The following ADAM19 variants were observed in gnomAD, a reference collection of about 807,000 sequenced individuals.
The protein encoded by ADAM19 is disintegrin and metalloproteinase domain-containing protein 19.
In ADAM19, 65 loss-of-function variants were observed where a neutral mutation model predicts 114.7. That is an observed-to-expected ratio of 0.57 (90% CI 0.46 to 0.70). The LOEUF is 0.70. Among genes scored for constraint, ADAM19 ranks in the 30% least tolerant of loss-of-function variants. The probability of loss-of-function intolerance (pLI) is 0.00; values close to 1 mark genes in which losing one functional copy is unlikely to be tolerated. For synonymous variants in ADAM19, 466 were observed against 460.5 expected (o/e 1.01, Z -0.15); for missense variants, 1,063 against 1,204.7 (o/e 0.88, Z 1.74).
intron 3 of ADAM19, among the ~76,000 whole-genome samples, chr5:157,552,804 A>G (rs1192343933): frequency 6.6e-6 from 1 of 152,118 alleles, no homozygotes; most frequent in South Asian, 2.1e-4. Context: ...TCTGGGATGA[A>G]TGGATAAAGA....
intron 2 of ADAM19, 66 bp from the exon 3 acceptor site, chr5:157,564,509 A>G: frequency 7.3e-7 from 1 of 1,366,834 alleles, no homozygotes; most frequent in Non-Finnish European, 1.0e-6. Context: ...GGTCGGGCAC[A>G]GGATCTAGCA....
intron 14 of ADAM19, among the ~76,000 whole-genome samples, chr5:157,495,602 G>T (rs1359806346): frequency 6.6e-6 from 1 of 152,048 alleles, no homozygotes; most frequent in Non-Finnish European, 1.5e-5. Context: ...ATCTTCTAGA[G>T]ATAATCTATC....
At chr5:157,508,869 G>A (rs1455172426) in intron 9 of ADAM19, among the ~76,000 whole-genome samples, 1 of 152,162 alleles carries the variant, frequency 6.6e-6, no homozygotes, top group Non-Finnish European at 1.5e-5. Context: ...TGTGCCCCTT[G>A]GGAACCAAGT....
At chr5:157,520,793 C>A (rs1475694040) in intron 5 of ADAM19, among the ~76,000 whole-genome samples, 1 of 152,200 alleles carries the variant, frequency 6.6e-6, no homozygotes, top group Admixed American at 6.5e-5. Context: ...CACCACCAAG[C>A]ATGAGGGACT....
chr5:157,522,511 C>T (rs534000261), intron 5 of ADAM19, among the ~76,000 whole-genome samples: 2 of 152,146 alleles, frequency 1.3e-5, no homozygotes, highest in African/African-American at 4.8e-5. Flanking sequence ...AGAGGCTGGG[C>T]GCTGTGGCTC....
chr5:157,523,239 G>C (rs546225949), intron 5 of ADAM19, among the ~76,000 whole-genome samples: 1 of 152,298 alleles, frequency 6.6e-6, no homozygotes, highest in East Asian at 1.9e-4. Context: ...CCAAGCCTAA[G>C]TGTCAGAGAT....
intron 2 of ADAM19, among the ~76,000 whole-genome samples, chr5:157,567,861 C>T (rs927558259): frequency 1.3e-5 from 2 of 152,156 alleles, no homozygotes; most frequent in South Asian, 2.1e-4. Flanking sequence ...TACAGCAATT[C>T]CCTCATCCAA....
chr5:157,516,048 T>C (rs1756081036), intron 7 of ADAM19, among the ~76,000 whole-genome samples: 1 of 152,202 alleles, frequency 6.6e-6, no homozygotes, highest in African/African-American at 2.4e-5. Flanking sequence ...CAGCAGGTTA[T>C]AAATCATGGT....
At position 157,480,790 on chromosome 5, in the gene ADAM19, C is replaced by T. The variant is rs766653517; in HGVS notation, c.*159G>A. The T allele has an allele frequency of 2.7e-6, 4 of 1,463,830 alleles. No individual in the cohort carries two copies. The highest frequency in any genetic ancestry group is 3.6e-6 in the Non-Finnish European group (4 of 1,114,052). The allele number at this position is 1,463,830 out of a possible 1,614,324, so 90.7% of individuals were successfully genotyped here. A position where few individuals can be genotyped will look rare whatever the true frequency, so the allele number is the denominator to read the frequency against. On this transcript the variant is annotated 3_prime_UTR_variant, in exon 23 of 23. Transcript: ENST00000257527. ...TGGGCTTCCAAGGAAGCCGAGGAGG[C>T]ACTGAGTCAACAGGGAGATTTTTGG...
In ADAM19 at chr5:157,477,626, G is replaced by A. The variant is rs949800; in HGVS notation, c.*3323C>T. On this transcript the variant is annotated 3_prime_UTR_variant, in exon 23 of 23. Coordinates refer to ENST00000257527, the MANE Select transcript of ADAM19 (RefSeq NM_033274.5). Reference sequence around the variant, plus strand: ...GGGGAAGGGGACCTTTCCAGTTGGCGTTCCCATGGCTTTCTTGGGTGTCCA... The same window carrying A: ...GGGGAAGGGGACCTTTCCAGTTGGCATTCCCATGGCTTTCTTGGGTGTCCA... The A allele has an allele frequency of 1.6e-3, 2,046 of 1,282,708 alleles. 21 individuals are homozygous for A. The African/African-American group carries it at 0.026, about 16-fold the overall frequency. The allele number at this position is 1,282,708 out of a possible 1,614,324, so 79.5% of individuals were successfully genotyped here. A position where few individuals can be genotyped will look rare whatever the true frequency, so the allele number is the denominator to read the frequency against.
At chr5:157,499,731 T>TGCCCACACACCCCTGGAACCCCA in intron 12 of ADAM19, 69 bp from the exon 13 acceptor site, 1 of 1,076,468 alleles carries the variant, frequency 9.3e-7, no homozygotes, top group Non-Finnish European at 1.4e-6. Flanking sequence ...TCCCCACCCT[T>TGCCCACACACCCCTGGAACCCCA]GCCCACACAC....
rs36056270 is a variant in ADAM19 at position 157,478,290 on chromosome 5, C to CAAAAAAAAAAAAAAAAAAAAAAAAAA, written c.*2658_*2659insTTTTTTTTTTTTTTTTTTTTTTTTTT. 1.4e-5 allele frequency: 1 copy of CAAAAAAAAAAAAAAAAAAAAAAAAAA among 69,390 alleles called. No individual in the cohort carries two copies. Among genetic ancestry groups the CAAAAAAAAAAAAAAAAAAAAAAAAAA allele is most frequent in the Non-Finnish European group, 2.8e-5 (1 of 36,312 alleles). 4.3% of individuals were successfully genotyped at this position (69,390 alleles called of 1,614,324 possible). On this transcript the variant is annotated 3_prime_UTR_variant, in exon 23 of 23. Transcript: ENST00000257527. Reference sequence around the variant, plus strand: ...CAGCAAACAGCCCCTCCCCTGGAGACAAAAAAAAAAAAAAAAAAAAAAAGG... The same window carrying CAAAAAAAAAAAAAAAAAAAAAAAAAA: ...CAGCAAACAGCCCCTCCCCTGGAGACAAAAAAAAAAAAAAAAAAAAAAAAAAAAAAAAAAAAAAAAAAAAAAAAAGG...
intron 7 of ADAM19, 57 bp from the exon 8 acceptor site, chr5:157,513,562 T>C: frequency 6.8e-7 from 1 of 1,474,668 alleles, no homozygotes; most frequent in East Asian, 2.3e-5. Flanking sequence ...GGATGCTTCC[T>C]GCGCCCCATT....
intron 5 of ADAM19, among the ~76,000 whole-genome samples, chr5:157,525,831 C>T (rs1265708038): frequency 1.3e-5 from 2 of 152,174 alleles, no homozygotes; most frequent in Non-Finnish European, 2.9e-5. Context: ...CTCATGTTCT[C>T]CCTCTCTCCC....
rs765695896 is a variant in ADAM19, at chr5:157,490,388, T to G, written c.2162A>C (p.Tyr721Ser). 6.2e-7 allele frequency: 1 copy of G among 1,613,996 alleles called. No individual in the cohort carries two copies. Among genetic ancestry groups the G allele is most frequent in the Admixed American group, 1.7e-5 (1 of 60,012 alleles). The change falls in exon 19 of 23, where the codon TAC becomes TCC. Residue 721 changes from tyrosine (Y) to serine (S), a missense_variant. This residue lies in a region of ADAM19 where 424 missense variants were observed against 445.5 expected (regional missense o/e 0.95). Transcript: ENST00000257527. ...ILVLAVLMLM[Y>S]YCCRQNNKLG... ...TTTGTTGTTCTGTCTGCAGCAGTAG[T>G]ACATCAGCATGAGGACCGCCAGCAC...
At chr5:157,538,607 C>T (rs1032089473) in intron 3 of ADAM19, among the ~76,000 whole-genome samples, 1 of 152,232 alleles carries the variant, frequency 6.6e-6, no homozygotes, top group Non-Finnish European at 1.5e-5. Context: ...CTTTCGGACA[C>T]TTAGTGGTTC....
In ADAM19 at chr5:157,493,046, C is replaced by T. The variant is rs1755227412; in HGVS notation, c.1835G>A (p.Arg612Gln). The T allele has an allele frequency of 5.6e-6, 9 of 1,614,098 alleles. No homozygotes were observed. The highest frequency in any genetic ancestry group is 5.9e-6 in the Non-Finnish European group (7 of 1,180,052). ...CATGTCACCCTCCTCCTCAGGACCT[C>T]GGTAGACGTGGGTGCCCCGGCACTG... ...QIQCRGTHVY[R>Q]GPEEEGDMLD... The change falls in exon 16 of 23, where the codon CGA (arginine) becomes CAA (glutamine). Residue 612 changes from arginine to glutamine, a missense_variant. Arg to Gln is a conservative substitution (Grantham distance 43, BLOSUM62 1). Coordinates refer to ENST00000257527, the MANE Select transcript of ADAM19 (RefSeq NM_033274.5).
intron 12 of ADAM19, among the ~76,000 whole-genome samples, chr5:157,500,758 C>A (rs1307085828): frequency 1.3e-5 from 2 of 152,192 alleles, no homozygotes; most frequent in East Asian, 3.8e-4. Context: ...TGCTCTCCCC[C>A]AGCCTGAGAT....
intron 8 of ADAM19, among the ~76,000 whole-genome samples, chr5:157,510,752 A>G (rs774851670): frequency 6.6e-6 from 1 of 152,258 alleles, no homozygotes. Context: ...ATTGCTGAAT[A>G]ATATTCTTTC....
Sources: allele counts gnomAD v4.1 joint callset (sites outside exome capture counted in the v4.1 genomes callset), GRCh38; gene constraint gnomAD v4.1.1; regional missense constraint gnomAD v4.1.1; transcripts MANE v1.5; gene names NCBI Gene and HGNC (gene_info 2026-07-23, HGNC 2026-07-21).